ANKRD30B: variants seen among roughly 807,000 people sequenced by gnomAD.
The protein encoded by ANKRD30B is ankyrin repeat domain-containing protein 30B.
Under a neutral mutation model 202.2 loss-of-function variants are expected in ANKRD30B, and 144 were observed. The ratio of observed to expected loss-of-function variants is 0.71; its 90% CI spans 0.62 to 0.82. The LOEUF is 0.82. Ranked by LOEUF, ANKRD30B falls within the 40% of genes least tolerant of loss-of-function variation. ANKRD30B has a pLI of 0.00. For synonymous variants in ANKRD30B, 508 were observed against 561.3 expected, an observed-to-expected ratio of 0.91 and a Z score of 1.34; for missense variants, 1,487 against 1,669.1, an observed-to-expected ratio of 0.89 and a Z score of 1.90.
the ANKRD30B span, among the ~76,000 whole-genome samples, chr18:14,925,872 T>A: frequency 2.6e-5 from 4 of 152,140 alleles, no homozygotes; most frequent in Non-Finnish European, 5.9e-5. Context: ...CCTGACCCTG[T>A]AAGGGGAGCA....
At chr18:14,821,128 T>A (rs1016872712) in intron 30 of ANKRD30B, among the ~76,000 whole-genome samples, 6 of 152,226 alleles carry the variant, frequency 3.9e-5, no homozygotes, top group African/African-American at 1.4e-4. Context: ...CTATTTATTC[T>A]AGATTTTCTA....
intron 41 of ANKRD30B, among the ~76,000 whole-genome samples, chr18:14,850,999 A>G (rs1971861285): frequency 6.6e-6 from 1 of 151,940 alleles, no homozygotes; most frequent in Non-Finnish European, 1.5e-5. Context: ...ATTCATAAAT[A>G]TAATTCTTAC....
At chr18:14,854,877 A>G (rs971723294), downstream of ANKRD30B, among the ~76,000 whole-genome samples, 1 of 137,676 alleles carries the variant, frequency 7.3e-6, no homozygotes, top group Non-Finnish European at 1.6e-5. Flanking sequence ...ACACACACAC[A>G]CACGCTCTAC....
At chr18:14,748,838 C>T (rs899232994) in intron 1 of ANKRD30B, among the ~76,000 whole-genome samples, 198 bp downstream of exon 1, 12 of 152,220 alleles carry the variant, frequency 7.9e-5, no homozygotes, top group African/African-American at 2.9e-4. Context: ...TGGGGGCGCC[C>T]TGCAGGGCAG....
intron 39 of ANKRD30B, among the ~76,000 whole-genome samples, chr18:14,844,657 A>G (rs1195567278): frequency 6.6e-6 from 1 of 152,250 alleles, no homozygotes; most frequent in Non-Finnish European, 1.5e-5. Context: ...AAGAATTGCC[A>G]CACTGTCTTC....
At chr18:14,881,579 G>A in the ANKRD30B span, among the ~76,000 whole-genome samples, 8 of 152,092 alleles carry the variant, frequency 5.3e-5, no homozygotes, top group Non-Finnish European at 1.0e-4. Flanking sequence ...TTTGGTACTA[G>A]GGTGACGCTG....
the ANKRD30B span, among the ~76,000 whole-genome samples, chr18:14,863,629 G>A: frequency 0.013 from 1,966 of 151,964 alleles, 19 homozygotes; most frequent in Non-Finnish European, 0.019. Context: ...ATATTTATCA[G>A]GCAGGAGAAG....
chr18:14,761,228 C>A (rs1208190651), intron 6 of ANKRD30B, among the ~76,000 whole-genome samples: 3 of 152,114 alleles, frequency 2.0e-5, no homozygotes, highest in Non-Finnish European at 1.5e-5. Flanking sequence ...GGCTGCATGA[C>A]GGATGAGACA....
At chr18:14,828,737 T>G (rs1429228502) in intron 33 of ANKRD30B, among the ~76,000 whole-genome samples, 1 of 152,240 alleles carries the variant, frequency 6.6e-6, no homozygotes, top group Non-Finnish European at 1.5e-5. Flanking sequence ...AGAACATTGA[T>G]TAATCCAAGA....
At chr18:14,806,609 A>G (rs1969536926) in intron 24 of ANKRD30B, among the ~76,000 whole-genome samples, 1 of 149,664 alleles carries the variant, frequency 6.7e-6, no homozygotes, top group Admixed American at 6.6e-5. Context: ...ACATTTTAGA[A>G]CCAGAGTTTT....
the ANKRD30B span, among the ~76,000 whole-genome samples, chr18:14,939,720 C>T: frequency 5.3e-5 from 8 of 152,156 alleles, no homozygotes; most frequent in African/African-American, 9.7e-5. Flanking sequence ...GTCCAATTCA[C>T]AAAATTGTCA....
At chr18:14,780,327 C>A (rs1201422966) in intron 11 of ANKRD30B, among the ~76,000 whole-genome samples, 1 of 152,014 alleles carries the variant, frequency 6.6e-6, no homozygotes, top group Non-Finnish European at 1.5e-5. Context: ...CACCTGTAAT[C>A]CCAGCTACTC....
intron 34 of ANKRD30B, 42 bp downstream of exon 34, chr18:14,831,497 C>A: frequency 3.6e-6 from 4 of 1,106,538 alleles, no homozygotes; most frequent in Non-Finnish European, 5.2e-6. Context: ...CAGTTGGAAT[C>A]TAATTCTGTA....
At chr18:14,854,832 AACACACACACACACACACACAC>A (rs56259305), downstream of ANKRD30B, among the ~76,000 whole-genome samples, 9 of 134,104 alleles carry the variant, frequency 6.7e-5, no homozygotes, top group African/African-American at 2.2e-4. Context: ...ACTATCCACG[AACACACACACACACACACACAC>A]ACACACACAC....
At chr18:14,887,359 G>A in the ANKRD30B span, among the ~76,000 whole-genome samples, 5 of 152,038 alleles carry the variant, frequency 3.3e-5, no homozygotes, top group Non-Finnish European at 7.4e-5. Flanking sequence ...CTAAAGATTA[G>A]AAAATTACTA....
At chr18:14,756,038 T>G (rs944474712) in intron 4 of ANKRD30B, among the ~76,000 whole-genome samples, 11 of 152,214 alleles carry the variant, frequency 7.2e-5, no homozygotes, top group Admixed American at 7.2e-4. Context: ...AAAGTGTTCC[T>G]ATTTCTCCAC....
chr18:14,888,305 A>G, the ANKRD30B span, among the ~76,000 whole-genome samples: 10 of 152,050 alleles, frequency 6.6e-5, no homozygotes, highest in African/African-American at 2.4e-4. Context: ...GATATACCTT[A>G]TGTAACATCA....
chr18:14,903,929 A>G, the ANKRD30B span, among the ~76,000 whole-genome samples: 1 of 152,220 alleles, frequency 6.6e-6, no homozygotes, highest in African/African-American at 2.4e-5. Context: ...GTAAGCTATT[A>G]TTTAGCTCAC....
chr18:14,791,128 A>G (rs897210770), intron 15 of ANKRD30B, among the ~76,000 whole-genome samples: 1 of 151,974 alleles, frequency 6.6e-6, no homozygotes, highest in African/African-American at 2.4e-5. Context: ...GGGAGGGTGT[A>G]TGTGTTGAGG....
Sources: gnomAD v4.1 joint callset for allele counts (sites outside exome capture counted in the v4.1 genomes callset) on GRCh38, gnomAD v4.1.1 for gene constraint, MANE v1.5 for transcripts, NCBI Gene and HGNC (gene_info 2026-07-23, HGNC 2026-07-21) for gene names.